The following MDGA2 variants were observed in gnomAD, a reference collection of about 807,000 sequenced individuals.
The protein encoded by MDGA2 is MAM domain containing glycosylphosphatidylinositol anchor 2.
MDGA2 carries 40 observed loss-of-function variants against 117.8 expected under a neutral mutation model. That is an observed-to-expected ratio of 0.34 (90% confidence interval 0.26 to 0.44). The LOEUF is 0.44. Ranked by LOEUF, MDGA2 falls within the 20% of genes least tolerant of loss-of-function variation. The pLI is 1.00. For missense variants in MDGA2, 1,123 were observed against 1,250.6 expected, an observed-to-expected ratio of 0.90 and a Z score of 1.54; for synonymous variants, 452 against 439.0, an observed-to-expected ratio of 1.03 and a Z score of -0.37.
chr14:47,333,563 ATAT>A (rs1890353338), intron 1 of MDGA2, among the ~76,000 whole-genome samples: 2 of 151,856 alleles, frequency 1.3e-5, no homozygotes, highest in Non-Finnish European at 1.5e-5. Flanking sequence ...TTGTTTCATA[ATAT>A]TATTTTTTGT....
At chr14:47,391,674 G>A (rs1352568634) in intron 1 of MDGA2, among the ~76,000 whole-genome samples, 2 of 152,086 alleles carry the variant, frequency 1.3e-5, no homozygotes, top group East Asian at 3.9e-4. Flanking sequence ...GTTTGATCTT[G>A]ATCATCTCTA....
intron 2 of MDGA2, among the ~76,000 whole-genome samples, chr14:47,224,321 A>ATATAGG (rs1886405768): frequency 6.6e-6 from 1 of 151,934 alleles, no homozygotes; most frequent in Non-Finnish European, 1.5e-5. Flanking sequence ...ATAGATATAG[A>ATATAGG]TATAGATATT....
chr14:47,549,197 T>G (rs1003216632), intron 1 of MDGA2, among the ~76,000 whole-genome samples: 1 of 152,148 alleles, frequency 6.6e-6, no homozygotes, highest in Non-Finnish European at 1.5e-5. Flanking sequence ...GGGATGAACA[T>G]AGAGAAAGCA....
At chr14:47,379,406 T>TA (rs1891555980) in intron 1 of MDGA2, among the ~76,000 whole-genome samples, 1 of 152,134 alleles carries the variant, frequency 6.6e-6, no homozygotes, top group Non-Finnish European at 1.5e-5. Context: ...ATGCTCCAAT[T>TA]AAAAGACACA....
chr14:47,588,508 C>G (rs1594931858), intron 1 of MDGA2, among the ~76,000 whole-genome samples: 1 of 151,772 alleles, frequency 6.6e-6, no homozygotes, highest in East Asian at 1.9e-4. Context: ...TTCCATATGC[C>G]TATTAACAAT....
intron 1 of MDGA2, among the ~76,000 whole-genome samples, chr14:47,374,697 G>C (rs747765763): frequency 1.3e-4 from 19 of 151,936 alleles, no homozygotes; most frequent in Non-Finnish European, 1.8e-4. Context: ...ACACAGACTG[G>C]ATTTGCTTCT....
intron 8 of MDGA2, among the ~76,000 whole-genome samples, chr14:46,990,286 A>T (rs1472241935): frequency 6.6e-6 from 1 of 152,094 alleles, no homozygotes; most frequent in Non-Finnish European, 1.5e-5. Context: ...GTTTACTGTG[A>T]GAGTAGGACT....
chr14:46,964,080 C>T (rs1885919153), intron 8 of MDGA2, among the ~76,000 whole-genome samples: 1 of 152,142 alleles, frequency 6.6e-6, no homozygotes, highest in Non-Finnish European at 1.5e-5. Flanking sequence ...CACTTCCTAT[C>T]TTTTGAAGCA....
chr14:46,868,165 A>G (rs1025051596), intron 14 of MDGA2, among the ~76,000 whole-genome samples: 2 of 152,014 alleles, frequency 1.3e-5, no homozygotes, highest in Non-Finnish European at 1.5e-5. Flanking sequence ...TGTGATAAAC[A>G]TTATGATAGG....
intron 3 of MDGA2, among the ~76,000 whole-genome samples, chr14:47,195,234 G>T (rs534342252): frequency 2.0e-5 from 3 of 151,732 alleles, no homozygotes; most frequent in Non-Finnish European, 4.4e-5. Flanking sequence ...TTCCATCAAG[G>T]TTAGCAATAG....
At chr14:47,215,426 A>G (rs1566684727) in intron 3 of MDGA2, among the ~76,000 whole-genome samples, 1 of 152,240 alleles carries the variant, frequency 6.6e-6, no homozygotes. Context: ...ATGATAAAGC[A>G]TGTTTTAAAT....
chr14:46,939,704 T>C (rs1884924989), intron 9 of MDGA2, among the ~76,000 whole-genome samples: 1 of 152,202 alleles, frequency 6.6e-6, no homozygotes, highest in Non-Finnish European at 1.5e-5. Flanking sequence ...TGTTTTTTAA[T>C]ATTCACAGTC....
chr14:47,576,210 T>C (rs926401374), intron 1 of MDGA2, among the ~76,000 whole-genome samples: 7 of 152,210 alleles, frequency 4.6e-5, no homozygotes, highest in African/African-American at 1.4e-4. Context: ...AGTATCAAAG[T>C]TTTTATGAAA....
intron 9 of MDGA2, among the ~76,000 whole-genome samples, chr14:46,920,392 ATGGG>A: frequency 6.6e-6 from 1 of 152,192 alleles, no homozygotes; most frequent in Non-Finnish European, 1.5e-5. Context: ...GATTGGAGGA[ATGGG>A]ATTTTCATCA....
chr14:47,422,683 G>A (rs72685862), intron 1 of MDGA2, among the ~76,000 whole-genome samples: 16,333 of 151,936 alleles, frequency 0.11, 1,094 homozygotes, highest in Non-Finnish European at 0.13. Context: ...CGTAGGTATC[G>A]ACTGAGCTGG....
intron 1 of MDGA2, among the ~76,000 whole-genome samples, chr14:47,654,809 T>C (rs1897713218): frequency 1.3e-5 from 2 of 152,090 alleles, no homozygotes. Flanking sequence ...GACTGTGCTC[T>C]GAAAGAGGCA....
intron 8 of MDGA2, among the ~76,000 whole-genome samples, chr14:47,024,885 C>A (rs1888417629): frequency 6.6e-6 from 1 of 151,980 alleles, no homozygotes. Flanking sequence ...AGGAAATATT[C>A]ATTTGCCAGG....
chr14:47,358,433 G>A (rs77964302), intron 1 of MDGA2, among the ~76,000 whole-genome samples: 6,010 of 152,196 alleles, frequency 0.039, 161 homozygotes, highest in African/African-American at 0.072. Context: ...CCCGTTGTGC[G>A]GGTATCAAAT....
At chr14:47,467,335 G>T (rs372940000) in intron 1 of MDGA2, among the ~76,000 whole-genome samples, 1 of 152,132 alleles carries the variant, frequency 6.6e-6, no homozygotes, top group East Asian at 1.9e-4. Flanking sequence ...TGTGCTGCAG[G>T]AATGAAAAAA....
Sources: allele counts gnomAD v4.1 joint callset (sites outside exome capture counted in the v4.1 genomes callset), GRCh38; gene constraint gnomAD v4.1.1; transcripts MANE v1.5; gene names NCBI Gene and HGNC (gene_info 2026-07-23, HGNC 2026-07-21).